OR1A2: variants seen among roughly 807,000 people sequenced by gnomAD.
OR1A2 encodes olfactory receptor 1A2.
For missense variants in OR1A2, 354 were observed against 372.8 expected, an observed-to-expected ratio of 0.95 and a Z score of 0.42; for synonymous variants, 131 against 140.0, an observed-to-expected ratio of 0.94 and a Z score of 0.46.
At position 3,198,333 on chromosome 17, in the gene OR1A2, T is replaced by A; in HGVS notation, c.815T>A (p.Ile272Lys). The A allele has an allele frequency of 6.2e-7, 1 of 1,614,004 alleles. No individual in the cohort carries two copies. Among genetic ancestry groups the A allele is most frequent in the Non-Finnish European group, 8.5e-7 (1 of 1,179,862 alleles). Residue 272 changes from isoleucine to lysine, a missense_variant, in exon 1 of 1, where the codon ATA becomes AAA. Physicochemically the swap from Ile to Lys is moderately radical, Grantham distance 102. Coordinates refer to ENST00000381951, the MANE Select transcript of OR1A2 (RefSeq NM_012352.3). ...LTSYSPKDAV[I>K]TVMYVAVTPA... The stretch of plus-strand genomic sequence containing the variant: ...AGTTACAGCCCCAAAGATGCAGTGA[T>A]AACTGTGATGTATGTGGCAGTGACC...
chr17:3,197,939 T>G lies in OR1A2; in HGVS notation c.421T>G (p.Cys141Gly). ...HYTTIMSPRS[C>G]ILLIAGSWVI... ...CACAACAATTATGAGTCCACGGTCT[T>G]GTATCCTGCTTATTGCTGGGTCTTG... Residue 141 changes from cysteine to glycine, a missense_variant, in exon 1 of 1, where the codon TGT becomes GGT. Cys to Gly is a radical substitution (Grantham distance 159, BLOSUM62 -3). Transcript: ENST00000381951. The G allele has an allele frequency of 6.2e-7, 1 of 1,614,168 alleles. No individual in the cohort carries two copies. The highest frequency in any genetic ancestry group is 1.1e-5 in the South Asian group (1 of 91,074).
rs1195767236 is a variant in OR1A2 at position 3,197,647 on chromosome 17, G to A, written c.129G>A (p.Leu43=). 1 of 1,602,252 alleles carries A rather than the reference G, an allele frequency of 6.2e-7. No individual in the cohort carries two copies. Among genetic ancestry groups the A allele is most frequent in the African/African-American group, 1.4e-5 (1 of 70,506 alleles). The change falls in exon 1 of 1, where the codon CTG becomes CTA. Residue 43 remains leucine (L), a synonymous_variant. Coordinates refer to ENST00000381951, the MANE Select transcript of OR1A2 (RefSeq NM_012352.3). ...ACCCCATCACACTGACTGGAAATCT[G>A]CTCATCATCTTGGCCATCTGTGCTG... The part of the protein sequence containing the change: ...CIYPITLTGN[L]LIILAICADI...
rs756027910 is a variant in OR1A2, at chr17:3,197,565, GA to G, written c.48del (p.Val17LeufsTer13). 4.3e-6 allele frequency: 7 copies of G among 1,612,728 alleles called. No homozygotes were observed. The African/African-American group carries it at 8.0e-5, about 18-fold the overall frequency. On this transcript the variant is annotated frameshift_variant, in exon 1 of 1. Coordinates refer to ENST00000381951, the MANE Select transcript of OR1A2 (RefSeq NM_012352.3). LOFTEE classifies it low-confidence loss of function (END_TRUNC). The stretch of plus-strand genomic sequence containing the variant: ...TTTAACCTGGATTTTATTCTCCTGG[GA>G]GTTACTAGTCAGCAAGAACAGAATA... ...QSFNLDFILLGVTSQQEQNNV... is the reference protein window; with the variant it reads ...QSFNLDFILLXVTSQQEQNNV...
rs150553361 is a variant in OR1A2, at chr17:3,198,127, C to T, written c.609C>T (p.Val203=). 86 of 1,611,278 alleles carry T rather than the reference C, an allele frequency of 5.3e-5. No individual in the cohort carries two copies. The African/African-American group carries it at 7.7e-4, about 15-fold the overall frequency. The change falls in exon 1 of 1, where the codon GTC becomes GTT. Residue 203 remains valine (V), a synonymous_variant. Coordinates refer to ENST00000381951, the MANE Select transcript of OR1A2 (RefSeq NM_012352.3). ...ATGTGAAGATGATGTACCTAGGGGT[C>T]GGCGTTTTCTCTTTGCCATTACTAT... ...HFNVKMMYLG[V]GVFSLPLLCI...
Position 3,197,704 on chromosome 17 carries a change from C to A in OR1A2, c.186C>A (p.Leu62=), listed in dbSNP as rs749276027. Reference sequence around the variant, plus strand: ...GCCTTCACAACCCCATGTATTTTCTCCTTGCCAACCTCTCCTTGGTTGACA... The same window carrying A: ...GCCTTCACAACCCCATGTATTTTCTACTTGCCAACCTCTCCTTGGTTGACA... The part of the protein sequence containing the change: ...DIRLHNPMYF[L]LANLSLVDII... The change falls in exon 1 of 1, where the codon CTC becomes CTA. Residue 62 remains leucine, a synonymous_variant. Transcript: ENST00000381951. 6.3e-7 allele frequency: 1 copy of A among 1,588,338 alleles called. No homozygotes were observed. The highest frequency in any genetic ancestry group is 1.2e-5 in the South Asian group (1 of 85,048).
At position 3,197,771 on chromosome 17, in the gene OR1A2, C is replaced by G; in HGVS notation, c.253C>G (p.His85Asp). ...AACCATCCCTAAGGTGCTGGCCAAC[C>G]ATCTCTTGGGGAGCAAGTTCATCTC... ...SVTIPKVLANHLLGSKFISFG... is the reference protein window; with the variant it reads ...SVTIPKVLANDLLGSKFISFG... The change falls in exon 1 of 1, where the codon CAT becomes GAT. Residue 85 changes from histidine (H) to aspartate (D), a missense_variant. Transcript: ENST00000381951. The G allele has an allele frequency of 6.3e-7, 1 of 1,597,232 alleles. No individual in the cohort carries two copies. Among genetic ancestry groups the G allele is most frequent in the African/African-American group, 1.3e-5 (1 of 74,876 alleles).
rs769310648 is a variant in OR1A2 at position 3,197,679 on chromosome 17, G to A, written c.161G>A (p.Arg54His). Residue 54 changes from arginine (R) to histidine (H), a missense_variant, in exon 1 of 1, where the codon CGC (arginine) becomes CAC (histidine). By Grantham distance (29) the Arg-to-His change is conservative (BLOSUM62 0). Coordinates refer to ENST00000381951, the MANE Select transcript of OR1A2 (RefSeq NM_012352.3). ...LIILAICADIRLHNPMYFLLA... is the reference protein window; with the variant it reads ...LIILAICADIHLHNPMYFLLA... ...ATCTTGGCCATCTGTGCTGACATTCGCCTTCACAACCCCATGTATTTTCTC... is the reference window on the plus strand; with the variant it reads ...ATCTTGGCCATCTGTGCTGACATTCACCTTCACAACCCCATGTATTTTCTC... The A allele has an allele frequency of 1.0e-5, 16 of 1,598,334 alleles. No homozygotes were observed. Among genetic ancestry groups the A allele is most frequent in the Non-Finnish European group, 1.3e-5 (15 of 1,172,932 alleles).
rs1402720374 is a variant in OR1A2 at position 3,198,270 on chromosome 17, A to G, written c.752A>G (p.Tyr251Cys). 2.5e-6 allele frequency: 4 copies of G among 1,614,018 alleles called. No individual in the cohort carries two copies. Among genetic ancestry groups the G allele is most frequent in the South Asian group, 1.1e-5 (1 of 91,066 alleles). The part of the protein sequence containing the change: ...GSHLTVVFLY[Y>C]GTTMGMYFRP... ...CACCTCACAGTTGTTTTTTTATATTATGGTACAACGATGGGCATGTATTTC... is the reference window on the plus strand; with the variant it reads ...CACCTCACAGTTGTTTTTTTATATTGTGGTACAACGATGGGCATGTATTTC... The change falls in exon 1 of 1, where the codon TAT (tyrosine) becomes TGT (cysteine). Residue 251 changes from tyrosine (Y) to cysteine (C), a missense_variant. Physicochemically the swap from Tyr to Cys is radical, Grantham distance 194. Coordinates refer to ENST00000381951, the MANE Select transcript of OR1A2 (RefSeq NM_012352.3).
Position 3,197,832 on chromosome 17 carries a change from T to C in OR1A2, c.314T>C (p.Ile105Thr). The change falls in exon 1 of 1, where the codon ATA becomes ACA. Residue 105 changes from isoleucine to threonine, a missense_variant. Physicochemically the swap from Ile to Thr is moderately conservative, Grantham distance 89. Transcript: ENST00000381951. ...GGCLMQMYFM[I>T]ALAKADSYTL... ...TGCCTAATGCAGATGTATTTCATGA[T>C]AGCCTTGGCCAAGGCAGACAGCTAT... 1 of 1,610,912 alleles carries C rather than the reference T, an allele frequency of 6.2e-7. No individual in the cohort carries two copies. The highest frequency in any genetic ancestry group is 8.5e-7 in the Non-Finnish European group (1 of 1,178,228).
Position 3,197,650 on chromosome 17 carries a change from C to T in OR1A2, c.132C>T (p.Leu44=). 2 of 1,602,054 alleles carry T rather than the reference C, an allele frequency of 1.2e-6. No homozygotes were observed. The highest frequency in any genetic ancestry group is 1.7e-6 in the Non-Finnish European group (2 of 1,176,974). ...IYPITLTGNL[L]IILAICADIR... Reference sequence around the variant, plus strand: ...CCATCACACTGACTGGAAATCTGCTCATCATCTTGGCCATCTGTGCTGACA... The same window carrying T: ...CCATCACACTGACTGGAAATCTGCTTATCATCTTGGCCATCTGTGCTGACA... Residue 44 remains leucine (L), a synonymous_variant, in exon 1 of 1, where the codon CTC becomes CTT. Coordinates refer to ENST00000381951, the MANE Select transcript of OR1A2 (RefSeq NM_012352.3).
Position 3,197,624 on chromosome 17 carries a change from C to T in OR1A2, c.106C>T (p.Pro36Ser), listed in dbSNP as rs767822134. 1 of 1,610,906 alleles carries T rather than the reference C, an allele frequency of 6.2e-7. No homozygotes were observed. Among genetic ancestry groups the T allele is most frequent in the South Asian group, 1.1e-5 (1 of 90,524 alleles). ...CTTTGTGATTTTTTTGTGCATTTAC[C>T]CCATCACACTGACTGGAAATCTGCT... ...VFFVIFLCIY[P>S]ITLTGNLLII... The change falls in exon 1 of 1, where the codon CCC (proline) becomes TCC (serine). Residue 36 changes from proline (P) to serine (S), a missense_variant. Physicochemically the swap from Pro to Ser is moderately conservative, Grantham distance 74 (BLOSUM62 -1). Transcript: ENST00000381951.
rs1342071679 is a variant in OR1A2 at position 3,197,721 on chromosome 17, T to G, written c.203T>G (p.Leu68Trp). 3.8e-6 allele frequency: 6 copies of G among 1,586,708 alleles called. No individual in the cohort carries two copies. In the Admixed American group the frequency reaches 8.6e-5, roughly 23 times the overall value. The part of the protein sequence containing the change: ...PMYFLLANLS[L>W]VDIIFSSVTI... The stretch of plus-strand genomic sequence containing the variant: ...TATTTTCTCCTTGCCAACCTCTCCT[T>G]GGTTGACATCATCTTCTCATCCGTA... Residue 68 changes from leucine (L) to tryptophan (W), a missense_variant, in exon 1 of 1, where the codon TTG becomes TGG. Physicochemically the swap from Leu to Trp is moderately conservative, Grantham distance 61 (BLOSUM62 -2). Transcript: ENST00000381951.
chr17:3,197,570 A>C lies in OR1A2; in HGVS notation c.52A>C (p.Thr18Pro), dbSNP rs909325538. The change falls in exon 1 of 1, where the codon ACT becomes CCT. Residue 18 changes from threonine to proline, a missense_variant. Physicochemically the swap from Thr to Pro is conservative, Grantham distance 38 (BLOSUM62 -1). Coordinates refer to ENST00000381951, the MANE Select transcript of OR1A2 (RefSeq NM_012352.3). ...CCTGGATTTTATTCTCCTGGGAGTTACTAGTCAGCAAGAACAGAATAATGT... is the reference window on the plus strand; with the variant it reads ...CCTGGATTTTATTCTCCTGGGAGTTCCTAGTCAGCAAGAACAGAATAATGT... ...FNLDFILLGVTSQQEQNNVFF... is the reference protein window; with the variant it reads ...FNLDFILLGVPSQQEQNNVFF... 4 of 1,612,812 alleles carry C rather than the reference A, an allele frequency of 2.5e-6. No individual in the cohort carries two copies. In the Admixed American group the frequency reaches 5.0e-5, roughly 20 times the overall value.
At position 3,197,909 on chromosome 17, in the gene OR1A2, C is replaced by A; in HGVS notation, c.391C>A (p.His131Asn). The A allele has an allele frequency of 6.2e-7, 1 of 1,614,066 alleles. No homozygotes were observed. Among genetic ancestry groups the A allele is most frequent in the Non-Finnish European group, 8.5e-7 (1 of 1,179,996 alleles). ...DRAVAISCPL[H>N]YTTIMSPRSC... ...AGCTGTGGCCATCAGCTGCCCACTT[C>A]ATTACACAACAATTATGAGTCCACG... The change falls in exon 1 of 1, where the codon CAT (histidine) becomes AAT (asparagine). Residue 131 changes from histidine (H) to asparagine (N), a missense_variant. Physicochemically the swap from His to Asn is moderately conservative, Grantham distance 68 (BLOSUM62 1). Transcript: ENST00000381951.
rs773239665 is a variant in OR1A2, at chr17:3,197,934, G to A, written c.416G>A (p.Arg139Gln). 1.4e-5 allele frequency: 22 copies of A among 1,613,914 alleles called. No homozygotes were observed. Among genetic ancestry groups the A allele is most frequent in the Admixed American group, 1.7e-5 (1 of 59,990 alleles). Residue 139 changes from arginine to glutamine, a missense_variant, in exon 1 of 1, where the codon CGG (arginine) becomes CAG (glutamine). Coordinates refer to ENST00000381951, the MANE Select transcript of OR1A2 (RefSeq NM_012352.3). The part of the protein sequence containing the change: ...PLHYTTIMSP[R>Q]SCILLIAGSW... ...CATTACACAACAATTATGAGTCCAC[G>A]GTCTTGTATCCTGCTTATTGCTGGG...
chr17:3,197,733 T>C lies in OR1A2; in HGVS notation c.215T>C (p.Ile72Thr), dbSNP rs971546404. 3.2e-6 allele frequency: 5 copies of C among 1,586,102 alleles called. No individual in the cohort carries two copies. Among genetic ancestry groups the C allele is most frequent in the East Asian group, 2.2e-5 (1 of 44,784 alleles). The change falls in exon 1 of 1, where the codon ATC (isoleucine) becomes ACC (threonine). Residue 72 changes from isoleucine to threonine, a missense_variant. Physicochemically the swap from Ile to Thr is moderately conservative, Grantham distance 89. Coordinates refer to ENST00000381951, the MANE Select transcript of OR1A2 (RefSeq NM_012352.3). The stretch of plus-strand genomic sequence containing the variant: ...GCCAACCTCTCCTTGGTTGACATCA[T>C]CTTCTCATCCGTAACCATCCCTAAG... ...LLANLSLVDI[I>T]FSSVTIPKVL...
Position 3,198,193 on chromosome 17 carries a change from C to A in OR1A2, c.675C>A (p.Phe225Leu), listed in dbSNP as rs1321124222. The A allele has an allele frequency of 6.2e-7, 1 of 1,613,044 alleles. No homozygotes were observed. The highest frequency in any genetic ancestry group is 2.2e-5 in the East Asian group (1 of 44,892). Reference sequence around the variant, plus strand: ...ATGTTCAGGTCTTTTCCACAGTCTTCCAAGTTCCATCTACCAAGAGTCTAT... The same window carrying A: ...ATGTTCAGGTCTTTTCCACAGTCTTACAAGTTCCATCTACCAAGAGTCTAT... ...VSYVQVFSTV[F>L]QVPSTKSLFK... is the part of the protein sequence containing the mutation. Residue 225 changes from phenylalanine to leucine, a missense_variant, in exon 1 of 1, where the codon TTC becomes TTA. Coordinates refer to ENST00000381951, the MANE Select transcript of OR1A2 (RefSeq NM_012352.3).
Position 3,198,071 on chromosome 17 carries a change from C to T in OR1A2, c.553C>T (p.Leu185=). Residue 185 remains leucine, a synonymous_variant, in exon 1 of 1, where the codon CTG becomes TTG. Coordinates refer to ENST00000381951, the MANE Select transcript of OR1A2 (RefSeq NM_012352.3). ...ANFYCDIMPL[L]KLSCSDVHFN... is the part of the protein sequence containing the mutation. ...TTTCTACTGTGACATTATGCCTTTG[C>T]TGAAGTTGTCCTGTTCTGACGTCCA... 6.2e-7 allele frequency: 1 copy of T among 1,609,436 alleles called. No homozygotes were observed. The highest frequency in any genetic ancestry group is 2.2e-5 in the East Asian group (1 of 44,870).
chr17:3,197,747 A>G lies in OR1A2; in HGVS notation c.229A>G (p.Thr77Ala). 6.3e-7 allele frequency: 1 copy of G among 1,588,580 alleles called. No homozygotes were observed. Among genetic ancestry groups the G allele is most frequent in the South Asian group, 1.2e-5 (1 of 85,086 alleles). ...GGTTGACATCATCTTCTCATCCGTAACCATCCCTAAGGTGCTGGCCAACCA... is the reference window on the plus strand; with the variant it reads ...GGTTGACATCATCTTCTCATCCGTAGCCATCCCTAAGGTGCTGGCCAACCA... ...SLVDIIFSSVTIPKVLANHLL... is the reference protein window; with the variant it reads ...SLVDIIFSSVAIPKVLANHLL... Residue 77 changes from threonine (T) to alanine (A), a missense_variant, in exon 1 of 1, where the codon ACC (threonine) becomes GCC (alanine). By Grantham distance (58) the Thr-to-Ala change is moderately conservative. Coordinates refer to ENST00000381951, the MANE Select transcript of OR1A2 (RefSeq NM_012352.3).
Sources: gnomAD v4.1 joint callset for allele counts on GRCh38, gnomAD v4.1.1 for gene constraint, MANE v1.5 for transcripts, NCBI Gene and HGNC (gene_info 2026-07-23, HGNC 2026-07-21) for gene names.